The following PCDH9 variants were observed in gnomAD, a reference collection of about 807,000 sequenced individuals.
PCDH9 encodes protocadherin 9.
Under a neutral mutation model 70.6 loss-of-function variants are expected in PCDH9, and 24 were observed. The observed-to-expected ratio is 0.34, with a 90% CI of 0.25 to 0.48. PCDH9 has a LOEUF of 0.48. Among genes scored for constraint, PCDH9 ranks in the 20% least tolerant of loss-of-function variants. PCDH9 has a pLI of 0.99. For missense variants in PCDH9, 1,281 were observed against 1,503.6 expected (o/e 0.85, Z 2.45); for synonymous variants, 562 against 558.5 (o/e 1.01, Z -0.09).
At chr13:66,823,409 T>C (rs998943105) in intron 3 of PCDH9, among the ~76,000 whole-genome samples, 5 of 151,586 alleles carry the variant, frequency 3.3e-5, no homozygotes, top group African/African-American at 1.2e-4. Context: ...ACTAACAGTA[T>C]AAAATATAAA....
chr13:67,159,764 A>G (rs966266589), intron 2 of PCDH9, among the ~76,000 whole-genome samples: 3 of 152,306 alleles, frequency 2.0e-5, no homozygotes, highest in Admixed American at 6.5e-5. Context: ...AAATTCATTC[A>G]GGGAAAAGAA....
intron 3 of PCDH9, among the ~76,000 whole-genome samples, chr13:66,846,676 C>T (rs1206846991): frequency 6.6e-6 from 1 of 152,006 alleles, no homozygotes; most frequent in Non-Finnish European, 1.5e-5. Context: ...GCTAGAGTCC[C>T]TTTGTATCAG....
At chr13:66,336,477 T>C (rs1189046434) in intron 4 of PCDH9, among the ~76,000 whole-genome samples, 2 of 152,032 alleles carry the variant, frequency 1.3e-5, no homozygotes, top group African/African-American at 2.4e-5. Flanking sequence ...TAATAGAGAT[T>C]TTGGAATTAA....
intron 4 of PCDH9, among the ~76,000 whole-genome samples, chr13:66,579,133 G>A (rs1331006953): frequency 6.6e-6 from 1 of 152,028 alleles, no homozygotes; most frequent in African/African-American, 2.4e-5. Context: ...CAGGTACGTG[G>A]TTCCTTAATT....
In PCDH9 at chr13:66,868,014, T is replaced by C. The variant is rs139325395; in HGVS notation, c.3138+35490A>G. 5.3e-4 allele frequency among the ~76,000 whole-genome samples: 80 copies of C among 152,122 alleles called. No homozygotes were observed. In the East Asian group the frequency reaches 0.013, roughly 25 times the overall value. ...AATTGGTAGATTGCTGAAATGTATA[T>C]TATTTAAATAATAAATTAGCTAAAA... On this transcript the variant is annotated intron_variant, in intron 3 of 4. Coordinates refer to ENST00000377865, the MANE Select transcript of PCDH9 (RefSeq NM_203487.3).
At chr13:66,731,568 G>A (rs543172064) in intron 3 of PCDH9, among the ~76,000 whole-genome samples, 85 of 152,184 alleles carry the variant, frequency 5.6e-4, no homozygotes, top group Non-Finnish European at 1.1e-3. Flanking sequence ...TCCCAAGCAA[G>A]AGCATGATGG....
chr13:66,992,713 A>C (rs1203688007), intron 2 of PCDH9, among the ~76,000 whole-genome samples: 1 of 152,196 alleles, frequency 6.6e-6, no homozygotes, highest in African/African-American at 2.4e-5. Flanking sequence ...TCACAGCAAC[A>C]AACTGAACTG....
chr13:66,854,590 C>T (rs2139462861), intron 3 of PCDH9, among the ~76,000 whole-genome samples: 1 of 152,118 alleles, frequency 6.6e-6, no homozygotes, highest in South Asian at 2.1e-4. Flanking sequence ...CATATTGTAA[C>T]CAAGTGTCTT....
chr13:66,373,132 TTATAATGAAATATTATTTAGCCA>T (rs1231570276), intron 4 of PCDH9, among the ~76,000 whole-genome samples: 1 of 151,990 alleles, frequency 6.6e-6, no homozygotes, highest in Non-Finnish European at 1.5e-5. Context: ...ATGGTATATT[TTATAATGAAATATTATTTAGCCA>T]CAACAGGGAA....
At chr13:66,315,096 G>A (rs1003627227) in intron 4 of PCDH9, among the ~76,000 whole-genome samples, 3 of 152,180 alleles carry the variant, frequency 2.0e-5, no homozygotes, top group Admixed American at 2.0e-4. Flanking sequence ...AAAATGATGT[G>A]AGAGCAGCCT....
At chr13:66,479,299 G>A (rs572752737) in intron 4 of PCDH9, among the ~76,000 whole-genome samples, 18 of 152,354 alleles carry the variant, frequency 1.2e-4, no homozygotes, top group Admixed American at 1.1e-3. Context: ...GCAGATTAAT[G>A]TTTTCATGCC....
chr13:67,014,793 T>C (rs2084525483), intron 2 of PCDH9, among the ~76,000 whole-genome samples: 1 of 152,068 alleles, frequency 6.6e-6, no homozygotes, highest in African/African-American at 2.4e-5. Context: ...CCATCCACCA[T>C]TTCTGTGCTT....
At chr13:66,516,255 A>G (rs760631252) in intron 4 of PCDH9, among the ~76,000 whole-genome samples, 1 of 152,020 alleles carries the variant, frequency 6.6e-6, no homozygotes, top group Non-Finnish European at 1.5e-5. Context: ...CAAACTTATT[A>G]AGACAATCAC....
chr13:66,666,329 T>G (rs1321842082), intron 3 of PCDH9, among the ~76,000 whole-genome samples: 2 of 152,142 alleles, frequency 1.3e-5, no homozygotes, highest in Non-Finnish European at 2.9e-5. Flanking sequence ...CCGGGCCAGA[T>G]GGCATTCTGC....
At chr13:66,353,702 T>C (rs1019129423) in intron 4 of PCDH9, among the ~76,000 whole-genome samples, 1 of 152,196 alleles carries the variant, frequency 6.6e-6, no homozygotes, top group Non-Finnish European at 1.5e-5. Flanking sequence ...TATACAATTT[T>C]TTTTTCATAG....
intron 4 of PCDH9, among the ~76,000 whole-genome samples, chr13:66,348,734 G>C (rs1458855030): frequency 1.4e-5 from 2 of 140,286 alleles, no homozygotes; most frequent in Non-Finnish European, 3.0e-5. Flanking sequence ...CTTAACACCT[G>C]ATAGATTCTA....
chr13:66,592,877 A>G (rs1031569194), intron 4 of PCDH9, among the ~76,000 whole-genome samples: 4 of 151,770 alleles, frequency 2.6e-5, no homozygotes, highest in African/African-American at 7.2e-5. Flanking sequence ...TTTAGGATAG[A>G]TATAATTTAA....
chr13:66,552,436 T>C (rs567307450), intron 4 of PCDH9, among the ~76,000 whole-genome samples: 40 of 152,232 alleles, frequency 2.6e-4, no homozygotes, highest in Admixed American at 2.5e-3. Context: ...ATATGACTAA[T>C]AGGAGACCAA....
chr13:66,488,798 A>G (rs1249681768), intron 4 of PCDH9, among the ~76,000 whole-genome samples: 1 of 152,218 alleles, frequency 6.6e-6, no homozygotes, highest in Non-Finnish European at 1.5e-5. Flanking sequence ...GCTGGCATAA[A>G]AAGTGCTAGT....
Sources: allele counts gnomAD v4.1 joint callset (sites outside exome capture counted in the v4.1 genomes callset), GRCh38; gene constraint gnomAD v4.1.1; transcripts MANE v1.5; gene names NCBI Gene and HGNC (gene_info 2026-07-23, HGNC 2026-07-21).